ZZZ3: variants seen among roughly 807,000 people sequenced by gnomAD.
ZZZ3 encodes the protein zinc finger ZZ-type containing 3.
ZZZ3 carries 22 observed loss-of-function variants against 95.2 expected under a neutral mutation model. The ratio of observed to expected loss-of-function variants is 0.23; its 90% CI spans 0.17 to 0.33. The LOEUF is 0.33. Ranked by LOEUF, ZZZ3 falls within the 10% of genes least tolerant of loss-of-function variation. ZZZ3 has a pLI of 1.00. For missense variants in ZZZ3, 885 were observed against 1,066.5 expected, an observed-to-expected ratio of 0.83 and a Z score of 2.37; for synonymous variants, 335 against 358.9, an observed-to-expected ratio of 0.93 and a Z score of 0.75.
chr1:77,578,922 A>C, intron 10 of ZZZ3, 53 bp from the exon 11 acceptor site: 2 of 1,196,058 alleles, frequency 1.7e-6, no homozygotes. Context: ...ACAATACCTG[A>C]GTCGTTTTTA....
chr1:77,580,895 G>A, intron 9 of ZZZ3, 103 bp downstream of exon 9: 1 of 961,476 alleles, frequency 1.0e-6, no homozygotes. Context: ...CAAAGTGCTG[G>A]GATTACAGGC....
chr1:77,683,142 T>G (rs1277368830), upstream of ZZZ3: 1 of 82,038 alleles, frequency 1.2e-5, no homozygotes, highest in Non-Finnish European at 2.5e-5. Flanking sequence ...GCCCACCCCC[T>G]CCCGGTACTT....
chr1:77,632,949 G>C lies in ZZZ3; in HGVS notation c.406C>G (p.Pro136Ala), dbSNP rs770456689. 1 of 1,613,954 alleles carries C rather than the reference G, an allele frequency of 6.2e-7. No individual in the cohort carries two copies. Among genetic ancestry groups the C allele is most frequent in the African/African-American group, 1.3e-5 (1 of 74,924 alleles). The stretch of plus-strand genomic sequence containing the variant: ...ACTGACTCCTTGTCTGATTTTATAG[G>C]AGAATCTTCTTCTGAACTGTTTGGT... ...EAPNSSEEDS[P>A]IKSDKESVEQ... Residue 136 changes from proline to alanine, a missense_variant, in exon 5 of 15, where the codon CCT becomes GCT. By Grantham distance (27) the Pro-to-Ala change is conservative (BLOSUM62 -1). Around this residue, in one of 5 missense-constraint regions of ZZZ3, gnomAD observed 556 missense variants for 652.9 expected, o/e 0.85. Coordinates refer to ENST00000370801, the MANE Select transcript of ZZZ3 (RefSeq NM_015534.6).
In ZZZ3 at chr1:77,576,112, A is replaced by T. The variant is rs1191058053; in HGVS notation, c.2287T>A (p.Ser763Thr). Reference protein sequence around the residue: ...PVYMDEDDDRSCFHSHMNTAV... With the variant: ...PVYMDEDDDRTCFHSHMNTAV... Reference sequence around the variant, plus strand: ...GTGTTCATGTGGCTATGAAAACAAGATCGGTCATCATCTTCATCCATATAC... The same window carrying T: ...GTGTTCATGTGGCTATGAAAACAAGTTCGGTCATCATCTTCATCCATATAC... Residue 763 changes from serine to threonine, a missense_variant, in exon 12 of 15, where the codon TCT (serine) becomes ACT (threonine). This residue lies in a region of ZZZ3 where 221 missense variants were observed against 247.8 expected (regional missense o/e 0.89). Coordinates refer to ENST00000370801, the MANE Select transcript of ZZZ3 (RefSeq NM_015534.6). The T allele has an allele frequency of 1.2e-6, 2 of 1,612,580 alleles. No homozygotes were observed. Among genetic ancestry groups the T allele is most frequent in the Non-Finnish European group, 1.7e-6 (2 of 1,179,656 alleles).
intron 5 of ZZZ3, among the ~76,000 whole-genome samples, chr1:77,593,363 A>G (rs1280154279): frequency 2.0e-5 from 3 of 152,246 alleles, no homozygotes; most frequent in African/African-American, 4.8e-5. Context: ...AATGCTTAAT[A>G]TAGCAATGAA....
Position 77,585,774 on chromosome 1 carries a change from CA to C in ZZZ3, c.1506-1120del, listed in dbSNP as rs538554504. Among the ~76,000 whole-genome samples, 755 of 152,236 alleles carry C rather than the reference CA, an allele frequency of 5.0e-3. 5 individuals are homozygous for C. Among genetic ancestry groups the C allele is most frequent in the African/African-American group, 0.017 (702 of 41,544 alleles). ...CGAATCTTTTAAGTTCTGAAGTAAG[CA>C]AACAGCAGAAGTATCAAAGGTGAAA... is the stretch of plus-strand genomic sequence containing the variant. On this transcript the variant is annotated intron_variant, in intron 5 of 14. Transcript: ENST00000370801.
At chr1:77,597,137 A>C (rs189562596) in intron 5 of ZZZ3, among the ~76,000 whole-genome samples, 2 of 152,228 alleles carry the variant, frequency 1.3e-5, no homozygotes, top group East Asian at 3.9e-4. Flanking sequence ...AGAAGCACTC[A>C]AAAAACAACA....
chr1:77,640,884 A>T (rs1276169652), intron 3 of ZZZ3: 1 of 152,224 alleles, frequency 6.6e-6, no homozygotes. Flanking sequence ...GAGAATAGGG[A>T]TAGTAATATC....
rs868125949 is a variant in ZZZ3, at chr1:77,671,747, T to C, written c.-403+10838A>G. On this transcript the variant is annotated intron_variant, in intron 1 of 14. Coordinates refer to ENST00000370801, the MANE Select transcript of ZZZ3 (RefSeq NM_015534.6). ...ATTAGTATTACTTCTATAAGAGTTT[T>C]TAAAATCACCTAAAGCAGCTCTTTT... Among the ~76,000 whole-genome samples the C allele has an allele frequency of 3.3e-5, 5 of 152,180 alleles. No homozygotes were observed. In the South Asian group the frequency reaches 6.2e-4, roughly 19 times the overall value.
At chr1:77,653,694 G>A (rs1159145576) in intron 1 of ZZZ3, among the ~76,000 whole-genome samples, 5 of 150,694 alleles carry the variant, frequency 3.3e-5, no homozygotes, top group African/African-American at 1.2e-4. Context: ...CGGAGGTTGC[G>A]GTGAGCCTAG....
chr1:77,611,465 A>T (rs1665804775), intron 5 of ZZZ3, among the ~76,000 whole-genome samples: 1 of 152,042 alleles, frequency 6.6e-6, no homozygotes, highest in African/African-American at 2.4e-5. Context: ...CATTTTTCAT[A>T]GATATAGAAA....
intron 1 of ZZZ3, among the ~76,000 whole-genome samples, chr1:77,664,103 ACTAT>A (rs972323323): frequency 1.3e-4 from 19 of 151,972 alleles, no homozygotes; most frequent in African/African-American, 4.1e-4. Context: ...AAAAAAACAA[ACTAT>A]CTACTCTTTC....
intron 1 of ZZZ3, among the ~76,000 whole-genome samples, chr1:77,644,169 G>T (rs2100920975): frequency 6.6e-6 from 1 of 151,974 alleles, no homozygotes; most frequent in African/African-American, 2.4e-5. Context: ...GGATTCAAGT[G>T]ATTCTCCTGC....
chr1:77,679,872 A>T (rs1672590748), intron 1 of ZZZ3, among the ~76,000 whole-genome samples: 1 of 152,294 alleles, frequency 6.6e-6, no homozygotes, highest in Admixed American at 6.5e-5. Flanking sequence ...AAGTACCTCA[A>T]ATAATTTCGT....
chr1:77,655,623 G>A (rs1670200582), intron 1 of ZZZ3, among the ~76,000 whole-genome samples: 1 of 152,182 alleles, frequency 6.6e-6, no homozygotes, highest in Non-Finnish European at 1.5e-5. Context: ...AATAGCTAAT[G>A]AGACAGACAA....
At chr1:77,599,946 TG>T (rs1664573460) in intron 5 of ZZZ3, among the ~76,000 whole-genome samples, 1 of 152,120 alleles carries the variant, frequency 6.6e-6, no homozygotes, top group African/African-American at 2.4e-5. Flanking sequence ...TTTTCTAATG[TG>T]TTTCAGATGT....
intron 1 of ZZZ3, among the ~76,000 whole-genome samples, chr1:77,653,409 A>G (rs1254635988): frequency 1.3e-5 from 2 of 152,204 alleles, no homozygotes; most frequent in African/African-American, 4.8e-5. Context: ...AAATTGTATA[A>G]TTTAAAAGGG....
At chr1:77,629,068 G>A (rs1667564479) in intron 5 of ZZZ3, among the ~76,000 whole-genome samples, 1 of 152,258 alleles carries the variant, frequency 6.6e-6, no homozygotes, top group African/African-American at 2.4e-5. Context: ...GAAAGCACCA[G>A]ACAGGTGTCA....
At chr1:77,583,383 A>T (rs925240491) in intron 6 of ZZZ3, among the ~76,000 whole-genome samples, 4 of 152,174 alleles carry the variant, frequency 2.6e-5, no homozygotes, top group Non-Finnish European at 5.9e-5. Flanking sequence ...TTGTACCAGT[A>T]AATTATTTAA....
Sources: gnomAD v4.1 joint callset for allele counts (sites outside exome capture counted in the v4.1 genomes callset) on GRCh38, gnomAD v4.1.1 for gene constraint, gnomAD v4.1.1 regional missense constraint, MANE v1.5 for transcripts, NCBI Gene and HGNC (gene_info 2026-07-23, HGNC 2026-07-21) for gene names.